The following TULP4 variants were observed in gnomAD, a reference collection of about 807,000 sequenced individuals.
TULP4 encodes TUB like protein 4, also known as tubby-related protein 4.
Under a neutral mutation model 129.0 loss-of-function variants are expected in TULP4, and 16 were observed. The observed-to-expected ratio is 0.12, with a 90% confidence interval of 0.08 to 0.19. TULP4 has a LOEUF of 0.19. Among genes scored for constraint, TULP4 ranks in the 10% least tolerant of loss-of-function variants. The pLI is 1.00. For synonymous variants in TULP4, 998 were observed against 854.0 expected (o/e 1.17, Z -2.94); for missense variants, 1,842 against 2,059.1 (o/e 0.89, Z 2.04).
chr6:158,473,326 A>G (rs1300514551), intron 6 of TULP4, among the ~76,000 whole-genome samples: 1 of 152,170 alleles, frequency 6.6e-6, no homozygotes, highest in Non-Finnish European at 1.5e-5. Context: ...AAAGTCCTTC[A>G]TGGGTCTTGT....
At chr6:158,270,643 T>C (rs997099533) in intron 1 of TULP4, among the ~76,000 whole-genome samples, 1 of 152,214 alleles carries the variant, frequency 6.6e-6, no homozygotes, top group Non-Finnish European at 1.5e-5. Context: ...CTATTGCAGC[T>C]AAAATTAACA....
intron 1 of TULP4, among the ~76,000 whole-genome samples, chr6:158,249,938 G>T (rs1425884917): frequency 6.6e-6 from 1 of 152,146 alleles, no homozygotes; most frequent in East Asian, 1.9e-4. Context: ...ATTTGATAGA[G>T]TAATATTAAG....
chr6:158,295,949 G>C (rs528835269), intron 1 of TULP4, among the ~76,000 whole-genome samples: 1 of 152,018 alleles, frequency 6.6e-6, no homozygotes. Flanking sequence ...TGCCTCTCCC[G>C]GCTCACAATA....
At chr6:158,359,267 C>A (rs1366150575) in intron 1 of TULP4, among the ~76,000 whole-genome samples, 1 of 152,106 alleles carries the variant, frequency 6.6e-6, no homozygotes, top group African/African-American at 2.4e-5. Context: ...TCGTTCTTTG[C>A]CAATTACTGC....
At chr6:158,358,787 A>T (rs1780703402) in intron 1 of TULP4, among the ~76,000 whole-genome samples, 1 of 152,256 alleles carries the variant, frequency 6.6e-6, no homozygotes, top group Non-Finnish European at 1.5e-5. Flanking sequence ...AACCCATTTC[A>T]AAAGCAGTAA....
intron 1 of TULP4, among the ~76,000 whole-genome samples, chr6:158,291,567 C>T (rs760280047): frequency 3.3e-5 from 5 of 151,800 alleles, no homozygotes; most frequent in Non-Finnish European, 5.9e-5. Flanking sequence ...CTTCTTGTGT[C>T]TGTGCATTTT....
intron 6 of TULP4, among the ~76,000 whole-genome samples, chr6:158,474,125 T>C (rs612557): frequency 1.3e-5 from 2 of 152,250 alleles, no homozygotes; most frequent in East Asian, 1.9e-4. Flanking sequence ...CTTGCCCTTC[T>C]TCTGTTTTAA....
intron 1 of TULP4, among the ~76,000 whole-genome samples, chr6:158,265,509 C>T (rs568891020): frequency 4.0e-5 from 6 of 151,672 alleles, no homozygotes; most frequent in African/African-American, 7.3e-5. Flanking sequence ...GTGAAACCCC[C>T]GTCCCTACTA....
At chr6:158,419,887 C>T (rs780001637) in intron 2 of TULP4, among the ~76,000 whole-genome samples, 9 of 152,134 alleles carry the variant, frequency 5.9e-5, no homozygotes, top group African/African-American at 2.2e-4. Flanking sequence ...GACATTTTAA[C>T]GACAGTCAGC....
chr6:158,246,923 G>T (rs1562493552), intron 1 of TULP4, among the ~76,000 whole-genome samples: 1 of 152,200 alleles, frequency 6.6e-6, no homozygotes, highest in African/African-American at 2.4e-5. Context: ...TATTCTGTAG[G>T]TGTGCAGCAG....
chr6:158,461,462 T>G, intron 5 of TULP4, 101 bp from the exon 6 acceptor site: 1 of 1,136,906 alleles, frequency 8.8e-7, no homozygotes, highest in East Asian at 2.4e-5. Flanking sequence ...TTGTATTTGC[T>G]CAGTGTCTGT....
chr6:158,406,028 G>C (rs1431640476), intron 1 of TULP4, among the ~76,000 whole-genome samples: 1 of 152,172 alleles, frequency 6.6e-6, no homozygotes, highest in African/African-American at 2.4e-5. Flanking sequence ...GTTCCACCAG[G>C]TGCTCCTTGG....
intron 1 of TULP4, among the ~76,000 whole-genome samples, chr6:158,291,061 A>G (rs371992474): frequency 1.3e-5 from 2 of 152,244 alleles, no homozygotes; most frequent in African/African-American, 4.8e-5. Flanking sequence ...CTAGAAGTTG[A>G]TAAGTACTGT....
chr6:158,461,510 G>T (rs1779426583), intron 5 of TULP4, 53 bp from the exon 6 acceptor site: 1 of 1,563,130 alleles, frequency 6.4e-7, no homozygotes, highest in East Asian at 2.3e-5. Flanking sequence ...CTTGCTGAGT[G>T]GCAGTTTGAG....
chr6:158,468,160 G>C (rs781024637), intron 6 of TULP4, among the ~76,000 whole-genome samples: 8 of 152,226 alleles, frequency 5.3e-5, no homozygotes, highest in Non-Finnish European at 7.3e-5. Context: ...AAAAGCTTGA[G>C]TCAACACCAT....
intron 1 of TULP4, among the ~76,000 whole-genome samples, chr6:158,319,237 C>A (rs1004620831): frequency 6.6e-6 from 1 of 152,126 alleles, no homozygotes; most frequent in Non-Finnish European, 1.5e-5. Flanking sequence ...CAGGAGCTCC[C>A]CTTGTAGGAC....
intron 1 of TULP4, among the ~76,000 whole-genome samples, chr6:158,239,577 C>T (rs1405046635): frequency 9.3e-5 from 5 of 53,850 alleles, no homozygotes; most frequent in African/African-American, 1.3e-4. Context: ...GGCGGCTGGC[C>T]GGGCAGGGGG....
At chr6:158,339,113 G>A (rs979970924) in intron 1 of TULP4, among the ~76,000 whole-genome samples, 1 of 152,168 alleles carries the variant, frequency 6.6e-6, no homozygotes, top group Non-Finnish European at 1.5e-5. Context: ...TTCCCTAAGT[G>A]TCGGCCAGTC....
Position 158,503,071 on chromosome 6 carries a change from A to G in TULP4, c.3408A>G (p.Gln1136=), listed in dbSNP as rs746495665. 10 of 1,614,016 alleles carry G rather than the reference A, an allele frequency of 6.2e-6. No individual in the cohort carries two copies. The highest frequency in any genetic ancestry group is 5.5e-5 in the South Asian group (5 of 91,084). ...PMLGEDVWVP[Q]ERTAQTSGPN... Reference sequence around the variant, plus strand: ...TGGGTGAGGATGTTTGGGTTCCTCAAGAAAGGACAGCACAGACTTCAGGGC... The same window carrying G: ...TGGGTGAGGATGTTTGGGTTCCTCAGGAAAGGACAGCACAGACTTCAGGGC... Residue 1136 remains glutamine (Q), a synonymous_variant, in exon 13 of 14, where the codon CAA becomes CAG. Transcript: ENST00000367097. The surrounding 1 kb of genome is among the most constrained non-coding windows in gnomAD (Gnocchi z 4.3).
Sources: gnomAD v4.1 joint callset for allele counts (sites outside exome capture counted in the v4.1 genomes callset) on GRCh38, gnomAD v4.1.1 for gene constraint, Gnocchi (gnomAD v3.1) non-coding constraint, MANE v1.5 for transcripts, NCBI Gene and HGNC (gene_info 2026-07-23, HGNC 2026-07-21) for gene names.